CUX2: variants seen among roughly 807,000 people sequenced by gnomAD.
The protein encoded by CUX2 is homeobox protein cut-like 2.
In CUX2, 40 loss-of-function variants were observed where a neutral mutation model predicts 144.8. The observed-to-expected ratio is 0.28, with a 90% confidence interval of 0.21 to 0.36. The LOEUF (loss-of-function observed/expected upper bound fraction) is 0.36, where lower values mean the gene tolerates loss of function less well. Among genes scored for constraint, CUX2 ranks in the 10% least tolerant of loss-of-function variants. CUX2 has a pLI of 1.00. For synonymous variants in CUX2, 827 were observed against 875.6 expected (o/e 0.94, Z 0.98); for missense variants, 1,615 against 1,994.0 (o/e 0.81, Z 3.62).
intron 1 of CUX2, among the ~76,000 whole-genome samples, chr12:111,101,406 C>T (rs117329638): frequency 0.011 from 1,662 of 152,328 alleles, 8 homozygotes; most frequent in Admixed American, 0.019. Flanking sequence ...AAATCCATGC[C>T]TTGCAGGGAA....
chr12:111,237,586 A>T (rs529346006), intron 3 of CUX2, among the ~76,000 whole-genome samples: 3 of 152,296 alleles, frequency 2.0e-5, no homozygotes, highest in East Asian at 3.9e-4. Flanking sequence ...GAATTTATCC[A>T]GCAGCCCAAG....
At chr12:111,101,277 A>G (rs1873218268) in intron 1 of CUX2, among the ~76,000 whole-genome samples, 1 of 151,990 alleles carries the variant, frequency 6.6e-6, no homozygotes, top group Non-Finnish European at 1.5e-5. Context: ...GCTGTGTGGT[A>G]AGGGACTCTG....
chr12:111,278,084 C>T, intron 4 of CUX2, among the ~76,000 whole-genome samples: 1 of 152,140 alleles, frequency 6.6e-6, no homozygotes, highest in East Asian at 1.9e-4. Context: ...GACTGTGATC[C>T]CCTTCCATCT....
At chr12:111,167,986 G>A (rs928298571) in intron 1 of CUX2, among the ~76,000 whole-genome samples, 10 of 152,110 alleles carry the variant, frequency 6.6e-5, no homozygotes, top group Non-Finnish European at 1.5e-5. Context: ...GAGCCACTGC[G>A]CTCAGGGTAC....
intron 18 of CUX2, among the ~76,000 whole-genome samples, chr12:111,332,054 G>A (rs1243664039): frequency 6.6e-6 from 1 of 151,366 alleles, no homozygotes; most frequent in Non-Finnish European, 1.5e-5. Flanking sequence ...ACTCCAGCCT[G>A]GGCGACAGAG....
chr12:111,206,726 A>T (rs1228701760), intron 1 of CUX2, among the ~76,000 whole-genome samples: 2 of 152,206 alleles, frequency 1.3e-5, no homozygotes, highest in Non-Finnish European at 2.9e-5. Flanking sequence ...CCAAGGATGG[A>T]TGACTGCTTG....
chr12:111,239,108 A>C (rs760257984), intron 3 of CUX2, among the ~76,000 whole-genome samples: 2 of 152,170 alleles, frequency 1.3e-5, no homozygotes, highest in Non-Finnish European at 2.9e-5. Flanking sequence ...AGAGACACTC[A>C]AACGTTGGCC....
intron 1 of CUX2, among the ~76,000 whole-genome samples, chr12:111,152,451 CA>C (rs1238078112): frequency 7.2e-5 from 11 of 152,146 alleles, no homozygotes; most frequent in Admixed American, 1.3e-4. Context: ...ACAGTAGCCC[CA>C]CAGCTCCAGC....
rs772091882 is a variant in CUX2 at position 111,334,501 on chromosome 12, A to G, written c.2987A>G (p.Lys996Arg). ...CCCCCCAGCCCCACAGAGCCTGAGA[A>G]GAGCTCCCAGGAGCCGTTGAGCCTG... is the stretch of plus-strand genomic sequence containing the variant. ...SPPPSPTEPE[K>R]SSQEPLSLSL... The change falls in exon 19 of 22, where the codon AAG becomes AGG. Residue 996 changes from lysine to arginine, a missense_variant. Lys to Arg is a conservative substitution (Grantham distance 26). Around this residue, in one of 12 missense-constraint regions of CUX2, gnomAD observed 128 missense variants for 124.4 expected, o/e 1.03. Transcript: ENST00000261726. 16 of 1,613,610 alleles carry G rather than the reference A, an allele frequency of 9.9e-6. No homozygotes were observed. The highest frequency in any genetic ancestry group is 1.7e-5 in the Admixed American group (1 of 59,972).
chr12:111,090,659 A>G (rs1872504872), intron 1 of CUX2, among the ~76,000 whole-genome samples: 1 of 152,118 alleles, frequency 6.6e-6, no homozygotes, highest in African/African-American at 2.4e-5. Context: ...GGTGAGGGTC[A>G]AATGATATCC....
chr12:111,188,428 G>A (rs963168060), intron 1 of CUX2, among the ~76,000 whole-genome samples: 5 of 152,308 alleles, frequency 3.3e-5, no homozygotes, highest in Admixed American at 2.0e-4. Context: ...TCAAAGCAGC[G>A]TGCAGAGCTC....
intron 1 of CUX2, among the ~76,000 whole-genome samples, chr12:111,118,798 GA>G (rs1874452652): frequency 6.6e-6 from 1 of 152,140 alleles, no homozygotes; most frequent in Admixed American, 6.5e-5. Flanking sequence ...CAGATATACA[GA>G]TTTTTTTTAC....
At chr12:111,103,228 T>C (rs1873369252) in intron 1 of CUX2, among the ~76,000 whole-genome samples, 1 of 152,158 alleles carries the variant, frequency 6.6e-6, no homozygotes, top group East Asian at 1.9e-4. Context: ...TGCACCATGC[T>C]CACTGTGGCT....
chr12:111,319,345 A>AT (rs935753576), intron 16 of CUX2, among the ~76,000 whole-genome samples: 132 of 150,622 alleles, frequency 8.8e-4, no homozygotes, highest in African/African-American at 1.6e-3. Flanking sequence ...TTTTTAAAGA[A>AT]TTTTTTTTTT....
intron 18 of CUX2, among the ~76,000 whole-genome samples, chr12:111,324,089 A>G (rs1163689985): frequency 6.6e-6 from 1 of 151,662 alleles, no homozygotes; most frequent in Non-Finnish European, 1.5e-5. Flanking sequence ...GATGGCTCAC[A>G]CCTGTAATCC....
chr12:111,144,036 T>G (rs1299627759), intron 1 of CUX2, among the ~76,000 whole-genome samples: 1 of 152,170 alleles, frequency 6.6e-6, no homozygotes, highest in Non-Finnish European at 1.5e-5. Context: ...CTCCAAATTC[T>G]CAGACATTGC....
At chr12:111,084,561 G>A (rs1872088679) in intron 1 of CUX2, among the ~76,000 whole-genome samples, 1 of 151,922 alleles carries the variant, frequency 6.6e-6, no homozygotes, top group Admixed American at 6.6e-5. Context: ...GTCAGGGCTG[G>A]GGCATAAGTG....
intron 1 of CUX2, among the ~76,000 whole-genome samples, chr12:111,167,659 G>A (rs1878231702): frequency 1.3e-5 from 2 of 151,600 alleles, no homozygotes; most frequent in South Asian, 4.2e-4. Flanking sequence ...ATCCTATTAG[G>A]TTGGCCCTGG....
At chr12:111,218,220 T>G (rs1337277824) in intron 3 of CUX2, among the ~76,000 whole-genome samples, 1 of 152,198 alleles carries the variant, frequency 6.6e-6, no homozygotes, top group Non-Finnish European at 1.5e-5. Flanking sequence ...ACATGTGAGA[T>G]CTGTGACCTT....
Sources: gnomAD v4.1 joint callset for allele counts (sites outside exome capture counted in the v4.1 genomes callset) on GRCh38, gnomAD v4.1.1 for gene constraint, gnomAD v4.1.1 regional missense constraint, MANE v1.5 for transcripts, NCBI Gene and HGNC (gene_info 2026-07-23, HGNC 2026-07-21) for gene names.